Variants in SUGCT observed in about 807,000 individuals in gnomAD.
The protein encoded by SUGCT is succinyl-CoA:glutarate-CoA transferase, also known as succinyl-CoA:glutarate CoA-transferase.
Under a neutral mutation model 55.0 loss-of-function variants are expected in SUGCT, and 41 were observed. The ratio of observed to expected loss-of-function variants is 0.74; its 90% CI spans 0.58 to 0.97. The LOEUF is 0.97. Ranked by LOEUF, SUGCT falls within the 50% of genes least tolerant of loss-of-function variation. The pLI is 0.00. For synonymous variants in SUGCT, 187 were observed against 200.4 expected, an observed-to-expected ratio of 0.93 and a Z score of 0.56; for missense variants, 568 against 547.8, an observed-to-expected ratio of 1.04 and a Z score of -0.37.
At chr7:40,829,944 C>A (rs1792565777) in intron 13 of SUGCT, among the ~76,000 whole-genome samples, 2 of 152,222 alleles carry the variant, frequency 1.3e-5, no homozygotes, top group African/African-American at 4.8e-5. Flanking sequence ...CCTTCAAAAA[C>A]CATTTCTCCC....
chr7:40,898,478 G>GC, the SUGCT span, among the ~76,000 whole-genome samples: 7 of 110,626 alleles, frequency 6.3e-5, no homozygotes, highest in South Asian at 4.5e-4. Flanking sequence ...ACTCCGGGAG[G>GC]TCGGGGGGGG....
chr7:40,199,656 T>G (rs1281184021), intron 6 of SUGCT, among the ~76,000 whole-genome samples: 2 of 152,226 alleles, frequency 1.3e-5, no homozygotes, highest in African/African-American at 4.8e-5. Flanking sequence ...TCCTCGCCAC[T>G]ACATTTTAAA....
intron 1 of SUGCT, among the ~76,000 whole-genome samples, chr7:40,146,758 G>T (rs1263485290): frequency 1.3e-5 from 2 of 152,242 alleles, no homozygotes; most frequent in Non-Finnish European, 2.9e-5. Flanking sequence ...CCGTGCTGCA[G>T]AGATTTTGTT....
intron 1 of SUGCT, among the ~76,000 whole-genome samples, chr7:40,139,875 G>A (rs1302791212): frequency 1.3e-5 from 2 of 151,916 alleles, no homozygotes; most frequent in African/African-American, 4.8e-5. Context: ...TTACATTCAA[G>A]TCTTTAATCC....
chr7:40,768,038 T>C (rs1221780530), intron 13 of SUGCT, among the ~76,000 whole-genome samples: 2 of 152,202 alleles, frequency 1.3e-5, no homozygotes, highest in Non-Finnish European at 2.9e-5. Flanking sequence ...GGACTGGCCA[T>C]GGGTCATCTG....
At chr7:40,652,052 T>C (rs1800805750) in intron 12 of SUGCT, among the ~76,000 whole-genome samples, 1 of 152,212 alleles carries the variant, frequency 6.6e-6, no homozygotes, top group Non-Finnish European at 1.5e-5. Flanking sequence ...ATGAAATTTC[T>C]ACTCAGTCCT....
intron 9 of SUGCT, among the ~76,000 whole-genome samples, chr7:40,434,824 T>C (rs1262819161): frequency 6.6e-6 from 1 of 152,178 alleles, no homozygotes; most frequent in Non-Finnish European, 1.5e-5. Flanking sequence ...TTTTTTTCAG[T>C]TATAAATGTC....
At chr7:40,850,094 G>C (rs1793776057) in intron 13 of SUGCT, among the ~76,000 whole-genome samples, 1 of 152,110 alleles carries the variant, frequency 6.6e-6, no homozygotes, top group Admixed American at 6.5e-5. Context: ...TCAGAGGATG[G>C]GGCCTCAAGT....
intron 11 of SUGCT, among the ~76,000 whole-genome samples, chr7:40,492,738 C>T (rs949567350): frequency 1.9e-4 from 29 of 152,152 alleles, no homozygotes; most frequent in African/African-American, 5.6e-4. Context: ...TGTTTTTGAA[C>T]GCTTTCCTGC....
chr7:40,751,693 AG>A (rs900576403), intron 13 of SUGCT, among the ~76,000 whole-genome samples: 19 of 152,164 alleles, frequency 1.2e-4, no homozygotes, highest in Non-Finnish European at 2.4e-4. Flanking sequence ...TCTCCTTGGA[AG>A]TCTGGGCCCT....
At chr7:40,682,053 A>G (rs1482839026) in intron 12 of SUGCT, among the ~76,000 whole-genome samples, 1 of 152,184 alleles carries the variant, frequency 6.6e-6, no homozygotes, top group African/African-American at 2.4e-5. Flanking sequence ...GTTTTAGACT[A>G]CTATTACCTT....
the SUGCT span, among the ~76,000 whole-genome samples, chr7:40,918,017 A>G: frequency 2.2e-4 from 34 of 152,188 alleles, no homozygotes; most frequent in South Asian, 4.1e-4. Flanking sequence ...GAGGGCAGGC[A>G]CTTTCCATTG....
At chr7:40,466,590 A>G (rs1243500022) in intron 11 of SUGCT, among the ~76,000 whole-genome samples, 1 of 152,138 alleles carries the variant, frequency 6.6e-6, no homozygotes, top group Non-Finnish European at 1.5e-5. Context: ...TTGGATTTTT[A>G]TTTCTAGCAC....
At chr7:40,789,355 A>G (rs1395463782) in intron 13 of SUGCT, among the ~76,000 whole-genome samples, 1 of 152,178 alleles carries the variant, frequency 6.6e-6, no homozygotes, top group African/African-American at 2.4e-5. Flanking sequence ...AAGTGAAATC[A>G]GGCAGTCTTT....
At chr7:40,987,457 A>G in the SUGCT span, among the ~76,000 whole-genome samples, 1 of 152,208 alleles carries the variant, frequency 6.6e-6, no homozygotes, top group Admixed American at 6.5e-5. Flanking sequence ...TTAGAACTTA[A>G]TAAGGTTTGT....
At chr7:40,709,488 C>T (rs1785592562) in intron 12 of SUGCT, among the ~76,000 whole-genome samples, 1 of 152,216 alleles carries the variant, frequency 6.6e-6, no homozygotes, top group Non-Finnish European at 1.5e-5. Flanking sequence ...TCCCCAGGCT[C>T]ACAGGGCTGT....
At chr7:40,445,073 C>A (rs1271290237) in intron 9 of SUGCT, among the ~76,000 whole-genome samples, 1 of 152,020 alleles carries the variant, frequency 6.6e-6, no homozygotes, top group Non-Finnish European at 1.5e-5. Context: ...AGGGATGAAG[C>A]CAACTTGATC....
intron 12 of SUGCT, among the ~76,000 whole-genome samples, chr7:40,732,057 A>G (rs574028004): frequency 1.2e-4 from 18 of 152,352 alleles, no homozygotes; most frequent in Non-Finnish European, 2.4e-4. Flanking sequence ...ACAAATTACT[A>G]CAAACCGGAC....
At chr7:40,615,715 A>G (rs1223527685) in intron 12 of SUGCT, among the ~76,000 whole-genome samples, 2 of 152,194 alleles carry the variant, frequency 1.3e-5, no homozygotes, top group African/African-American at 4.8e-5. Flanking sequence ...GTTTAGCGAA[A>G]ACACAAGGAT....
Sources: gnomAD v4.1 joint callset for allele counts (sites outside exome capture counted in the v4.1 genomes callset) on GRCh38, gnomAD v4.1.1 for gene constraint, MANE v1.5 for transcripts, NCBI Gene and HGNC (gene_info 2026-07-23, HGNC 2026-07-21) for gene names.